Variants in PCDH9 observed in about 807,000 individuals in gnomAD.
The protein encoded by PCDH9 is protocadherin-9.
In PCDH9, 24 loss-of-function variants were observed where a neutral mutation model predicts 70.6. That is an observed-to-expected ratio of 0.34 (90% CI 0.25 to 0.48). The LOEUF (loss-of-function observed/expected upper bound fraction) is 0.48. PCDH9 is among the 20% of genes least tolerant of loss of function. The probability of loss-of-function intolerance (pLI) is 0.99; values close to 1 mark genes in which losing one functional copy is unlikely to be tolerated. For synonymous variants in PCDH9, 562 were observed against 558.5 expected (o/e 1.01, Z -0.09); for missense variants, 1,281 against 1,503.6 (o/e 0.85, Z 2.45).
chr13:67,191,177 G>A (rs1261299793), intron 2 of PCDH9, among the ~76,000 whole-genome samples: 3 of 151,978 alleles, frequency 2.0e-5, no homozygotes, highest in Non-Finnish European at 2.9e-5. Flanking sequence ...TTTACTATAG[G>A]CTAAATTCTC....
intron 3 of PCDH9, among the ~76,000 whole-genome samples, chr13:66,781,505 A>G (rs1594053434): frequency 6.6e-6 from 1 of 152,318 alleles, no homozygotes; most frequent in East Asian, 1.9e-4. Flanking sequence ...TAATTAGTAG[A>G]GGCTTGGTCT....
At chr13:66,970,220 A>G (rs1480979977) in intron 2 of PCDH9, among the ~76,000 whole-genome samples, 1 of 152,072 alleles carries the variant, frequency 6.6e-6, no homozygotes, top group Non-Finnish European at 1.5e-5. Context: ...TTACTTTCAC[A>G]TAATTTTCAC....
At chr13:66,612,940 G>C (rs956602700) in intron 4 of PCDH9, among the ~76,000 whole-genome samples, 2 of 151,974 alleles carry the variant, frequency 1.3e-5, no homozygotes, top group African/African-American at 4.8e-5. Flanking sequence ...GTTGAACTAA[G>C]GAAAAGTCCT....
chr13:66,496,300 T>C (rs1298442449), intron 4 of PCDH9, among the ~76,000 whole-genome samples: 1 of 152,200 alleles, frequency 6.6e-6, no homozygotes, highest in Non-Finnish European at 1.5e-5. Flanking sequence ...ACTATCCTCA[T>C]ATCTCAGACA....
At chr13:66,618,022 A>C (rs1056823766) in intron 4 of PCDH9, among the ~76,000 whole-genome samples, 1 of 152,190 alleles carries the variant, frequency 6.6e-6, no homozygotes, top group Non-Finnish European at 1.5e-5. Flanking sequence ...CGGGAAGTTC[A>C]TGTTTGTAGC....
chr13:66,326,274 G>A (rs1955842490), intron 4 of PCDH9, among the ~76,000 whole-genome samples: 1 of 151,708 alleles, frequency 6.6e-6, no homozygotes, highest in Non-Finnish European at 1.5e-5. Flanking sequence ...TGTCTCCCCA[G>A]TATTCCATGT....
At chr13:66,585,632 T>A (rs1357928643) in intron 4 of PCDH9, among the ~76,000 whole-genome samples, 1 of 152,178 alleles carries the variant, frequency 6.6e-6, no homozygotes, top group South Asian at 2.1e-4. Flanking sequence ...AATAGTTGCA[T>A]TGTCATAAAA....
intron 3 of PCDH9, among the ~76,000 whole-genome samples, chr13:66,679,706 T>C (rs1364989303): frequency 2.0e-5 from 3 of 151,906 alleles, no homozygotes; most frequent in Non-Finnish European, 4.4e-5. Context: ...AAATATGTTA[T>C]CCAGGAATAT....
chr13:66,473,832 A>G (rs1958666755), intron 4 of PCDH9, among the ~76,000 whole-genome samples: 1 of 152,178 alleles, frequency 6.6e-6, no homozygotes, highest in Non-Finnish European at 1.5e-5. Flanking sequence ...TTGAAGGAAC[A>G]TATCTGGCTC....
intron 2 of PCDH9, among the ~76,000 whole-genome samples, chr13:67,027,814 A>G (rs1208323099): frequency 1.8e-4 from 21 of 113,624 alleles, no homozygotes; most frequent in Non-Finnish European, 3.9e-5. Flanking sequence ...AGACACATGA[A>G]AAAATGCTCA....
intron 4 of PCDH9, among the ~76,000 whole-genome samples, chr13:66,561,319 C>G (rs1593679747): frequency 1.3e-5 from 2 of 152,320 alleles, no homozygotes; most frequent in South Asian, 4.2e-4. Flanking sequence ...ACTCTGTGGG[C>G]TCCTGTGCCG....
At chr13:67,050,579 A>G (rs1004012732) in intron 2 of PCDH9, among the ~76,000 whole-genome samples, 1 of 152,218 alleles carries the variant, frequency 6.6e-6, no homozygotes, top group Non-Finnish European at 1.5e-5. Context: ...TATAAGCAGT[A>G]GGCAGCTACA....
chr13:67,109,489 C>T (rs2086613487), intron 2 of PCDH9, among the ~76,000 whole-genome samples: 1 of 152,162 alleles, frequency 6.6e-6, no homozygotes, highest in African/African-American at 2.4e-5. Flanking sequence ...CAAATCCAAA[C>T]ATCTTCCCTA....
intron 4 of PCDH9, among the ~76,000 whole-genome samples, chr13:66,542,502 T>G (rs1335412346): frequency 6.6e-6 from 1 of 151,898 alleles, no homozygotes; most frequent in Non-Finnish European, 1.5e-5. Flanking sequence ...AAGAAGAAGT[T>G]CTACTTCCAA....
intron 4 of PCDH9, among the ~76,000 whole-genome samples, chr13:66,481,967 AAATC>A (rs1044028467): frequency 3.3e-5 from 5 of 150,754 alleles, no homozygotes; most frequent in Non-Finnish European, 5.9e-5. Flanking sequence ...CACACACACA[AAATC>A]AATCAATCAA....
intron 3 of PCDH9, among the ~76,000 whole-genome samples, chr13:66,767,890 A>C (rs1334817563): frequency 1.3e-5 from 2 of 152,130 alleles, no homozygotes; most frequent in Non-Finnish European, 2.9e-5. Context: ...CTGAAACTGC[A>C]GAGACTCATA....
chr13:66,744,530 A>G (rs939855315), intron 3 of PCDH9, among the ~76,000 whole-genome samples: 2 of 152,220 alleles, frequency 1.3e-5, no homozygotes, highest in East Asian at 3.9e-4. Flanking sequence ...CACACAAAAC[A>G]TGTTCACATG....
chr13:66,498,008 T>C (rs1211444503), intron 4 of PCDH9, among the ~76,000 whole-genome samples: 1 of 151,146 alleles, frequency 6.6e-6, no homozygotes, highest in Non-Finnish European at 1.5e-5. Flanking sequence ...TTAGTAGAGA[T>C]GGGGTTTCGC....
chr13:66,441,896 A>C (rs1957981185), intron 4 of PCDH9, among the ~76,000 whole-genome samples: 1 of 152,164 alleles, frequency 6.6e-6, no homozygotes. Context: ...TATAAGTTTT[A>C]AAATCATTTC....
Sources: allele counts gnomAD v4.1 joint callset (sites outside exome capture counted in the v4.1 genomes callset), GRCh38; gene constraint gnomAD v4.1.1; transcripts MANE v1.5; gene names NCBI Gene and HGNC (gene_info 2026-07-23, HGNC 2026-07-21).